Variants in HEXA observed in about 807,000 individuals in gnomAD.
HEXA encodes the protein hexosaminidase subunit alpha.
In HEXA, 54 loss-of-function variants were observed where a neutral mutation model predicts 73.3. That is an observed-to-expected ratio of 0.74 (90% CI 0.59 to 0.92). The LOEUF is 0.92. HEXA is among the 40% of genes least tolerant of loss of function. HEXA has a pLI of 0.00. For missense variants in HEXA, 649 were observed against 653.0 expected (o/e 0.99, Z 0.07); for synonymous variants, 230 against 246.9 (o/e 0.93, Z 0.64).
Position 72,345,497 on chromosome 15 carries a change from T to C in HEXA, c.1475A>G (p.Asp492Gly), listed in dbSNP as rs761736583. The C allele has an allele frequency of 2.2e-5, 36 of 1,614,132 alleles. No individual in the cohort carries two copies. In the African/African-American group the frequency reaches 4.5e-4, roughly 20 times the overall value. The change falls in exon 13 of 14, where the codon GAC (aspartate) becomes GGC (glycine). Residue 492 changes from aspartate to glycine, a missense_variant. Coordinates refer to ENST00000268097, the MANE Select transcript of HEXA (RefSeq NM_000520.6). ...ERLWSNKLTS[D>G]LTFAYERLSH... The stretch of plus-strand genomic sequence containing the variant: ...CAAACGTTCATAGGCAAATGTCAGG[T>C]CAGATGTCAACTTGTTGCTCCACAG...
Position 72,350,617 on chromosome 15 carries a change from C to T in HEXA, c.706G>A (p.Ala236Thr), listed in dbSNP as rs757119445. ...TCAATGACCTCCTTCACATCCTGTG[C>T]TGTGTAGATGTGGGTGACAGGGTTG... The part of the protein sequence containing the change: ...SYNPVTHIYT[A>T]QDVKEVIEYA... Residue 236 changes from alanine to threonine, a missense_variant, in exon 7 of 14, where the codon GCA becomes ACA. Ala to Thr is a moderately conservative substitution (Grantham distance 58). Coordinates refer to ENST00000268097, the MANE Select transcript of HEXA (RefSeq NM_000520.6). The T allele has an allele frequency of 7.4e-6, 12 of 1,613,930 alleles. No homozygotes were observed. In the Admixed American group the frequency reaches 2.0e-4, roughly 27 times the overall value.
chr15:72,355,782 C>G (rs539715966), intron 2 of HEXA, 158 bp from the exon 3 acceptor site: 31 of 651,860 alleles, frequency 4.8e-5, no homozygotes, highest in Admixed American at 3.5e-4. Flanking sequence ...CAGAGCAAGA[C>G]AGCTGTAGGA....
At chr15:72,375,085 TGG>T (rs58016062) in intron 1 of HEXA, among the ~76,000 whole-genome samples, 3,623 of 137,194 alleles carry the variant, frequency 0.026, 130 homozygotes, top group African/African-American at 0.07. Flanking sequence ...TTGTTTTGTT[TGG>T]GGGGGGGGGT....
intron 1 of HEXA, among the ~76,000 whole-genome samples, chr15:72,374,182 A>G (rs1251647519): frequency 6.6e-6 from 1 of 151,984 alleles, no homozygotes; most frequent in Non-Finnish European, 1.5e-5. Context: ...TAACCTTCAG[A>G]GTGCCCAGCA....
At chr15:72,355,242 C>T in intron 3 of HEXA, 1 of 376,104 alleles carries the variant, frequency 2.7e-6, no homozygotes, top group South Asian at 2.3e-5. Flanking sequence ...AAAAAGCTTC[C>T]TGGCTGGGCG....
chr15:72,366,935 A>G (rs2088925038), intron 1 of HEXA, among the ~76,000 whole-genome samples: 3 of 149,280 alleles, frequency 2.0e-5, no homozygotes, highest in African/African-American at 2.5e-5. Flanking sequence ...TCTTAATTTC[A>G]CTGTTTTTTT....
At chr15:72,345,138 T>G (rs1395509446) in intron 13 of HEXA, 4 of 394,980 alleles carry the variant, frequency 1.0e-5, no homozygotes, top group South Asian at 2.2e-5. Context: ...AAAAATGACA[T>G]AGTATTTGCA....
intron 1 of HEXA, chr15:72,370,273 G>T: frequency 5.1e-6 from 1 of 197,944 alleles, no homozygotes; most frequent in Non-Finnish European, 1.0e-5. Context: ...TCCAAAGCAG[G>T]GGAACACCTA....
At chr15:72,351,004 C>T (rs2088687485) in intron 6 of HEXA, 129 bp downstream of exon 6, 5 of 726,244 alleles carry the variant, frequency 6.9e-6, no homozygotes, top group Non-Finnish European at 1.2e-5. Context: ...GACTCCAAAT[C>T]CAGTGTCCTT....
At chr15:72,361,977 G>C (rs1238484181) in intron 1 of HEXA, among the ~76,000 whole-genome samples, 2 of 152,188 alleles carry the variant, frequency 1.3e-5, no homozygotes, top group African/African-American at 4.8e-5. Flanking sequence ...ATGAAGATAA[G>C]AGCATGACAG....
Position 72,345,333 on chromosome 15 carries a change from A to G in HEXA, c.1526+113T>C, listed in dbSNP as rs954213080. 3.8e-5 allele frequency: 59 copies of G among 1,548,086 alleles called. No homozygotes were observed. The African/African-American group carries it at 5.8e-4, about 15-fold the overall frequency. On this transcript the variant is annotated intron_variant, in intron 13 of 13. Transcript: ENST00000268097. The stretch of plus-strand genomic sequence containing the variant: ...TTGAATCCGTGGATGAGGGCTGACT[A>G]TAAGCCTCTGTAAGTGTTAGCTATT...
At chr15:72,345,285 TGAA>T in intron 13 of HEXA, 158 bp downstream of exon 13, 1 of 1,395,664 alleles carries the variant, frequency 7.2e-7, no homozygotes, top group Non-Finnish European at 9.6e-7. Context: ...TTTTTTTTCC[TGAA>T]TACTTTTTAT....
intron 10 of HEXA, among the ~76,000 whole-genome samples, chr15:72,347,099 C>T (rs1056705281): frequency 1.3e-5 from 2 of 148,638 alleles, no homozygotes; most frequent in African/African-American, 4.9e-5. Context: ...TCTTACTGAT[C>T]AACAATAAAG....
chr15:72,370,277 A>C, intron 1 of HEXA: 1 of 200,200 alleles, frequency 5.0e-6, no homozygotes, highest in Non-Finnish European at 1.0e-5. Context: ...AAGCAGGGGA[A>C]CACCTACAGC....
chr15:72,353,217 A>C (rs777360331), intron 4 of HEXA, 39 bp from the exon 5 acceptor site: 2 of 1,259,644 alleles, frequency 1.6e-6, no homozygotes, highest in East Asian at 4.8e-5. Context: ...GTTTCAAAGG[A>C]AGCTTACTAT....
rs58706602 is a variant in HEXA, at chr15:72,355,910, C to T, written c.347-286G>A. The T allele has an allele frequency of 8.2e-4, 435 of 531,914 alleles. 5 individuals are homozygous for T. The East Asian group carries it at 0.019, about 23-fold the overall frequency. The allele number at this position is 531,914 out of a possible 1,614,324, so 32.9% of individuals were successfully genotyped here. A position where few individuals can be genotyped will look rare whatever the true frequency, so the allele number is the denominator to read the frequency against. On this transcript the variant is annotated intron_variant, in intron 2 of 13. Transcript: ENST00000268097. ...GAGGTCTGTACAAAGCACCACCTAC[C>T]TCATGGGTCAGTTTCCACAGCAGAA...
chr15:72,363,878 A>T (rs115318761), intron 1 of HEXA, among the ~76,000 whole-genome samples: 1,883 of 152,240 alleles, frequency 0.012, 42 homozygotes, highest in African/African-American at 0.043. Flanking sequence ...AAAATTCTAG[A>T]TCTCAAGGGA....
In HEXA at chr15:72,344,066, G is replaced by C. The variant is rs2088580167; in HGVS notation, c.*11C>G. The C allele has an allele frequency of 1.2e-6, 2 of 1,612,532 alleles. No individual in the cohort carries two copies. Among genetic ancestry groups the C allele is most frequent in the African/African-American group, 2.7e-5 (2 of 74,852 alleles). On this transcript the variant is annotated 3_prime_UTR_variant, in exon 14 of 14. Coordinates refer to ENST00000268097, the MANE Select transcript of HEXA (RefSeq NM_000520.6). ...TCACCTACAGCCAGCACCCTCCTCG[G>C]TGCCTGGGGCTCAGGTCTGTTCAAA...
rs1035068915 is a variant in HEXA at position 72,346,229 on chromosome 15, C to G, written c.1421+6G>C. The stretch of plus-strand genomic sequence containing the variant: ...AACCCTCCACCTCCCCCCCGAAAAC[C>G]CTTACCAGAGCCTGGGGACCAGGTT... On this transcript the variant is annotated splice_donor_region_variant and intron_variant, in intron 12 of 13. Transcript: ENST00000268097. The G allele has an allele frequency of 6.2e-6, 10 of 1,611,864 alleles. No homozygotes were observed. The highest frequency in any genetic ancestry group is 3.3e-5 in the South Asian group (3 of 90,924).
Sources: gnomAD v4.1 joint callset for allele counts (sites outside exome capture counted in the v4.1 genomes callset) on GRCh38, gnomAD v4.1.1 for gene constraint, MANE v1.5 for transcripts, NCBI Gene and HGNC (gene_info 2026-07-23, HGNC 2026-07-21) for gene names.